The following PDSS2 variants were observed in gnomAD, a reference collection of about 807,000 sequenced individuals.
PDSS2 encodes decaprenyl diphosphate synthase subunit 2, also known as all trans-polyprenyl-diphosphate synthase PDSS2.
A neutral mutation model predicts 44.5 loss-of-function variants in PDSS2; 31 were observed. That is an observed-to-expected ratio of 0.70 (90% confidence interval 0.52 to 0.94). PDSS2 has a LOEUF of 0.94. Among genes scored for constraint, PDSS2 ranks in the 40% least tolerant of loss-of-function variants. The pLI is 0.00. For missense variants in PDSS2, 452 were observed against 482.2 expected, an observed-to-expected ratio of 0.94 and a Z score of 0.59; for synonymous variants, 157 against 180.3, an observed-to-expected ratio of 0.87 and a Z score of 1.03.
rs1354025135 is a variant in PDSS2, at chr6:107,389,433, T to TACTTGGTAAAGCTGTTTCTC, written c.297-55121_297-55102dup. On this transcript the variant is annotated intron_variant, in intron 1 of 7. Transcript: ENST00000369037. ...GAACTTGTACATGAATACTGTTTCT[T>TACTTGGTAAAGCTGTTTCTC]ACTTGGTAAAGCTGTTTCTCACAGG... Among the ~76,000 whole-genome samples, 3 of 152,218 alleles carry TACTTGGTAAAGCTGTTTCTC rather than the reference T, an allele frequency of 2.0e-5. No homozygotes were observed. In the East Asian group the frequency reaches 5.8e-4, roughly 29 times the overall value.
intron 1 of PDSS2, among the ~76,000 whole-genome samples, chr6:107,372,059 A>T (rs1193634132): frequency 1.3e-5 from 2 of 152,206 alleles, no homozygotes; most frequent in Non-Finnish European, 2.9e-5. Flanking sequence ...TTTACACAAT[A>T]GAGATTTTAG....
chr6:107,157,119 G>A (rs1770928049), intron 7 of PDSS2, among the ~76,000 whole-genome samples: 2 of 152,202 alleles, frequency 1.3e-5, no homozygotes, highest in South Asian at 4.1e-4. Flanking sequence ...TCTTTCATGA[G>A]GCATTTAAGT....
chr6:107,427,386 G>C (rs148806619), intron 1 of PDSS2, among the ~76,000 whole-genome samples: 3 of 151,990 alleles, frequency 2.0e-5, no homozygotes, highest in South Asian at 4.1e-4. Context: ...TCCCAGTCTC[G>C]GGTATGTCTT....
chr6:107,386,291 T>C (rs1779607698), intron 1 of PDSS2, among the ~76,000 whole-genome samples: 1 of 151,912 alleles, frequency 6.6e-6, no homozygotes, highest in African/African-American at 2.4e-5. Flanking sequence ...TGAGGAACAG[T>C]GGACTCAAAA....
At chr6:107,406,131 T>C (rs1200054648) in intron 1 of PDSS2, among the ~76,000 whole-genome samples, 2 of 152,216 alleles carry the variant, frequency 1.3e-5, no homozygotes, top group Non-Finnish European at 2.9e-5. Flanking sequence ...AATCTGCCTT[T>C]GACTTTCCCA....
At chr6:107,334,710 A>T (rs781615336) in intron 1 of PDSS2, among the ~76,000 whole-genome samples, 30 of 90,790 alleles carry the variant, frequency 3.3e-4, no homozygotes, top group Admixed American at 5.9e-4. Context: ...TCAGCTAATT[A>T]AAAAAAAAAA....
chr6:107,250,981 G>A (rs929665522), intron 3 of PDSS2, among the ~76,000 whole-genome samples: 1 of 151,836 alleles, frequency 6.6e-6, no homozygotes, highest in African/African-American at 2.4e-5. Flanking sequence ...TCAGTCTCCC[G>A]AGCAGCTGGG....
intron 7 of PDSS2, among the ~76,000 whole-genome samples, chr6:107,171,107 A>G (rs1370429004): frequency 6.6e-6 from 1 of 152,208 alleles, no homozygotes; most frequent in Non-Finnish European, 1.5e-5. Context: ...AGAGAGGGTT[A>G]AGTAGAACAG....
At chr6:107,378,082 A>G (rs148454608) in intron 1 of PDSS2, among the ~76,000 whole-genome samples, 316 of 150,866 alleles carry the variant, frequency 2.1e-3, no homozygotes, top group African/African-American at 7.5e-3. Flanking sequence ...AATATATTAC[A>G]ATTAGGCCCT....
At chr6:107,451,178 C>G (rs1364514810) in intron 1 of PDSS2, among the ~76,000 whole-genome samples, 1 of 152,134 alleles carries the variant, frequency 6.6e-6, no homozygotes, top group Non-Finnish European at 1.5e-5. Flanking sequence ...TCCAGAGGGG[C>G]CGAACCATTT....
chr6:107,310,131 A>G (rs1776987874), intron 2 of PDSS2, among the ~76,000 whole-genome samples: 1 of 151,934 alleles, frequency 6.6e-6, no homozygotes, highest in Non-Finnish European at 1.5e-5. Flanking sequence ...TGAAAATACA[A>G]AAAATTAGCT....
intron 2 of PDSS2, among the ~76,000 whole-genome samples, chr6:107,294,047 G>A (rs1776430989): frequency 6.6e-6 from 1 of 152,118 alleles, no homozygotes; most frequent in Non-Finnish European, 1.5e-5. Flanking sequence ...CATGCTAAAT[G>A]GGGCACAGTA....
rs367754808 is a variant in PDSS2, at chr6:107,354,385, G to C, written c.297-20053C>G. On this transcript the variant is annotated intron_variant, in intron 1 of 7. Coordinates refer to ENST00000369037, the MANE Select transcript of PDSS2 (RefSeq NM_020381.4). ...CAGGAAGAGTTTCTTTACAATAAAT[G>C]ATAGGATATAAAGCAAAGGGCAAAA... Among the ~76,000 whole-genome samples, 4 of 152,318 alleles carry C rather than the reference G, an allele frequency of 2.6e-5. 1 individual carries two copies.
chr6:107,446,420 T>C (rs1781685784), intron 1 of PDSS2, among the ~76,000 whole-genome samples: 1 of 152,192 alleles, frequency 6.6e-6, no homozygotes, highest in Admixed American at 6.5e-5. Context: ...GTAATAGCTA[T>C]AGAACACTAA....
intron 3 of PDSS2, among the ~76,000 whole-genome samples, chr6:107,261,578 C>CTTTTCTTT: frequency 8.9e-6 from 1 of 112,842 alleles, no homozygotes; most frequent in South Asian, 2.9e-4. Context: ...TCTTTTCTTT[C>CTTTTCTTT]TTTTTTTTTT....
At chr6:107,205,000 T>C (rs1368783153) in intron 6 of PDSS2, among the ~76,000 whole-genome samples, 1 of 152,226 alleles carries the variant, frequency 6.6e-6, no homozygotes, top group Non-Finnish European at 1.5e-5. Context: ...TAGAGGATGA[T>C]ATTAATATTA....
At chr6:107,337,707 CTCTT>C (rs1372982254) in intron 1 of PDSS2, among the ~76,000 whole-genome samples, 2 of 152,244 alleles carry the variant, frequency 1.3e-5, no homozygotes, top group African/African-American at 2.4e-5. Context: ...TTCTTCTACT[CTCTT>C]TCTCCTTGTA....
chr6:107,264,490 A>C (rs1775348376), intron 3 of PDSS2: 2 of 1,545,534 alleles, frequency 1.3e-6, no homozygotes, highest in Non-Finnish European at 1.8e-6. Flanking sequence ...ATATATAGCA[A>C]TAGGTCCATT....
chr6:107,163,559 A>C (rs1771222592), intron 7 of PDSS2, among the ~76,000 whole-genome samples: 1 of 152,130 alleles, frequency 6.6e-6, no homozygotes, highest in East Asian at 1.9e-4. Context: ...ACTGCAAACT[A>C]GAATGGGCAA....
Sources: gnomAD v4.1 joint callset for allele counts (sites outside exome capture counted in the v4.1 genomes callset) on GRCh38, gnomAD v4.1.1 for gene constraint, MANE v1.5 for transcripts, NCBI Gene and HGNC (gene_info 2026-07-23, HGNC 2026-07-21) for gene names.